LANCL2: variants seen among roughly 807,000 people sequenced by gnomAD.
LANCL2 encodes the protein LanC like glutathione S-transferase 2, also known as lanC-like protein 2.
In LANCL2, 33 loss-of-function variants were observed where a neutral mutation model predicts 56.9. The ratio of observed to expected loss-of-function variants is 0.58; its 90% CI spans 0.44 to 0.78. LANCL2 has a LOEUF of 0.78. Ranked by LOEUF, LANCL2 falls within the 30% of genes least tolerant of loss-of-function variation. The pLI, the probability that LANCL2 is intolerant of heterozygous loss-of-function variation, is 0.00. For missense variants in LANCL2, 562 were observed against 580.2 expected, an observed-to-expected ratio of 0.97 and a Z score of 0.32; for synonymous variants, 233 against 228.2, an observed-to-expected ratio of 1.02 and a Z score of -0.19.
chr7:55,423,110 G>A (rs764807244), intron 6 of LANCL2, among the ~76,000 whole-genome samples: 17 of 152,210 alleles, frequency 1.1e-4, no homozygotes, highest in Non-Finnish European at 2.4e-4. Flanking sequence ...TATGATTGCT[G>A]TAATACAATG....
At chr7:55,372,585 A>G (rs750384919) in intron 1 of LANCL2, among the ~76,000 whole-genome samples, 13 of 152,246 alleles carry the variant, frequency 8.5e-5, no homozygotes, top group Non-Finnish European at 1.2e-4. Flanking sequence ...AAACATTCAG[A>G]ACGGTGCTGA....
Position 55,365,952 on chromosome 7 carries a change from G to C in LANCL2, c.-74G>C. 1 of 1,218,298 alleles carries C rather than the reference G, an allele frequency of 8.2e-7. No individual in the cohort carries two copies. The highest frequency in any genetic ancestry group is 1.1e-6 in the Non-Finnish European group (1 of 917,810). The allele number at this position is 1,218,298 out of a possible 1,614,324, so 75.5% of individuals were successfully genotyped here. On this transcript the variant is annotated 5_prime_UTR_variant, in exon 1 of 9. Transcript: ENST00000254770. ...ACGCTCTCTGCGCGGGCCCTCGGAG[G>C]AGGCGGCGGCGGGGCGAGCTGCAGC... is the stretch of plus-strand genomic sequence containing the variant.
At chr7:55,410,636 G>T (rs117190231) in intron 5 of LANCL2, among the ~76,000 whole-genome samples, 3,410 of 152,312 alleles carry the variant, frequency 0.022, 59 homozygotes, top group Non-Finnish European at 0.037. Context: ...CCAGAGGCGG[G>T]TTCTCTATCT....
Position 55,399,923 on chromosome 7 carries a change from C to T in LANCL2, c.531-34C>T, listed in dbSNP as rs777468704. Reference sequence around the variant, plus strand: ...TTCAGGAAGAAGTACTTTAGACTTCCACTGGGAAAAAATTAATTTTTCTTA... The same window carrying T: ...TTCAGGAAGAAGTACTTTAGACTTCTACTGGGAAAAAATTAATTTTTCTTA... On this transcript the variant is annotated intron_variant, in intron 3 of 8. Transcript: ENST00000254770. 23 of 1,583,194 alleles carry T rather than the reference C, an allele frequency of 1.5e-5. No individual in the cohort carries two copies. In the African/African-American group the frequency reaches 2.8e-4, roughly 19 times the overall value.
At chr7:55,428,140 C>T (rs1790685428) in intron 7 of LANCL2, 5 of 569,530 alleles carry the variant, frequency 8.8e-6, no homozygotes, top group Admixed American at 6.0e-5. Context: ...GTTTTCACCT[C>T]GGACTTCCCA....
At chr7:55,424,763 G>T (rs371994463) in intron 6 of LANCL2, among the ~76,000 whole-genome samples, 5 of 152,290 alleles carry the variant, frequency 3.3e-5, no homozygotes, top group Non-Finnish European at 5.9e-5. Flanking sequence ...GAGCAGCAGC[G>T]AGCAAGCGAA....
intron 2 of LANCL2, chr7:55,396,942 A>G (rs1047790151): frequency 1.3e-5 from 2 of 152,178 alleles, no homozygotes; most frequent in Non-Finnish European, 2.9e-5. Context: ...TTTTTTGAAT[A>G]CAGAAAACAT....
rs772229741 is a variant in LANCL2, at chr7:55,412,001, C to T, written c.920C>T (p.Pro307Leu). 6.2e-7 allele frequency: 1 copy of T among 1,614,172 alleles called. No homozygotes were observed. The highest frequency in any genetic ancestry group is 8.5e-7 in the Non-Finnish European group (1 of 1,179,994). ...RHKKFRSGNYPSSLSNETDRL... is the reference protein window; with the variant it reads ...RHKKFRSGNYLSSLSNETDRL... ...AAAAAATTCCGATCTGGGAATTACCCATCATCATTAAGCAATGAAACAGAC... is the reference window on the plus strand; with the variant it reads ...AAAAAATTCCGATCTGGGAATTACCTATCATCATTAAGCAATGAAACAGAC... The change falls in exon 6 of 9, where the codon CCA (proline) becomes CTA (leucine). Residue 307 changes from proline to leucine, a missense_variant. Physicochemically the swap from Pro to Leu is moderately conservative, Grantham distance 98 (BLOSUM62 -3). Transcript: ENST00000254770.
intron 1 of LANCL2, among the ~76,000 whole-genome samples, chr7:55,368,877 G>A (rs967144787): frequency 2.0e-5 from 3 of 152,216 alleles, no homozygotes; most frequent in Non-Finnish European, 4.4e-5. Context: ...AGGTATGATG[G>A]CTCATGCCTG....
chr7:55,365,958 G>A lies in LANCL2; in HGVS notation c.-68G>A. The A allele has an allele frequency of 8.0e-7, 1 of 1,253,344 alleles. No homozygotes were observed. Among genetic ancestry groups the A allele is most frequent in the Non-Finnish European group, 1.1e-6 (1 of 950,512 alleles). The allele number at this position is 1,253,344 out of a possible 1,614,324, so 77.6% of individuals were successfully genotyped here. On this transcript the variant is annotated 5_prime_UTR_variant, in exon 1 of 9. Coordinates refer to ENST00000254770, the MANE Select transcript of LANCL2 (RefSeq NM_018697.4). ...TCTGCGCGGGCCCTCGGAGGAGGCG[G>A]CGGCGGGGCGAGCTGCAGCGCCGGG...
At chr7:55,429,835 T>C (rs1460274533) in intron 8 of LANCL2, among the ~76,000 whole-genome samples, 3 of 152,280 alleles carry the variant, frequency 2.0e-5, no homozygotes, top group African/African-American at 7.2e-5. Context: ...GTCACCTCCT[T>C]CCCCTGTGCC....
At chr7:55,418,525 C>G (rs1256938927) in intron 6 of LANCL2, among the ~76,000 whole-genome samples, 1 of 152,156 alleles carries the variant, frequency 6.6e-6, no homozygotes, top group African/African-American at 2.4e-5. Context: ...GCTAAATTCA[C>G]GTATCAGTTC....
intron 1 of LANCL2, among the ~76,000 whole-genome samples, chr7:55,368,825 A>G (rs1184641742): frequency 1.3e-5 from 2 of 152,180 alleles, no homozygotes; most frequent in African/African-American, 4.8e-5. Context: ...ATGGGCCCCT[A>G]ATCCAATATG....
intron 1 of LANCL2, among the ~76,000 whole-genome samples, chr7:55,377,770 A>T (rs1790019619): frequency 6.6e-6 from 1 of 152,232 alleles, no homozygotes; most frequent in Non-Finnish European, 1.5e-5. Flanking sequence ...TCCCGATTGC[A>T]ATGTAATTGC....
At chr7:55,431,080 T>C (rs1790722003) in intron 8 of LANCL2, 146 bp from the exon 9 acceptor site, 1 of 454,742 alleles carries the variant, frequency 2.2e-6, no homozygotes, top group South Asian at 6.7e-5. Flanking sequence ...TATAAGGATA[T>C]CTTTGGTTTT....
In LANCL2 at chr7:55,391,878, C is replaced by T; in HGVS notation, c.290C>T (p.Pro97Leu). 1.2e-6 allele frequency: 2 copies of T among 1,609,056 alleles called. No individual in the cohort carries two copies. Among genetic ancestry groups the T allele is most frequent in the Non-Finnish European group, 1.7e-6 (2 of 1,175,560 alleles). Residue 97 changes from proline (P) to leucine (L), a missense_variant, in exon 2 of 9, where the codon CCC becomes CTC. This residue lies in a region of LANCL2 where 378 missense variants were observed against 468.4 expected (regional missense o/e 0.81). Coordinates refer to ENST00000254770, the MANE Select transcript of LANCL2 (RefSeq NM_018697.4). Reference protein sequence around the residue: ...QMEEGLKTADPHDCSAYTGWT... With the variant: ...QMEEGLKTADLHDCSAYTGWT... ...GAAGAAGGGCTGAAGACAGCTGATCCCCATGACTGCTCTGCTTATACTGGC... is the reference window on the plus strand; with the variant it reads ...GAAGAAGGGCTGAAGACAGCTGATCTCCATGACTGCTCTGCTTATACTGGC...
At chr7:55,415,328 G>T (rs1040971549) in intron 6 of LANCL2, among the ~76,000 whole-genome samples, 20 of 152,354 alleles carry the variant, frequency 1.3e-4, no homozygotes, top group African/African-American at 4.8e-4. Context: ...CAGCATCACT[G>T]CTTGTGCCCA....
intron 1 of LANCL2, among the ~76,000 whole-genome samples, chr7:55,377,434 T>A (rs971283452): frequency 7.9e-5 from 12 of 152,194 alleles, no homozygotes; most frequent in African/African-American, 2.9e-4. Flanking sequence ...TCTGTTTATC[T>A]TTTTCTTCTT....
chr7:55,395,289 CACTACAAAGTGGAG>C (rs1790237678), intron 2 of LANCL2, among the ~76,000 whole-genome samples: 1 of 151,918 alleles, frequency 6.6e-6, no homozygotes, highest in African/African-American at 2.4e-5. Context: ...AGGAAAATGT[CACTACAAAGTGGAG>C]AAAAATTGGC....
Sources: allele counts gnomAD v4.1 joint callset (sites outside exome capture counted in the v4.1 genomes callset), GRCh38; gene constraint gnomAD v4.1.1; regional missense constraint gnomAD v4.1.1; transcripts MANE v1.5; gene names NCBI Gene and HGNC (gene_info 2026-07-23, HGNC 2026-07-21).